SDK1: variants seen among roughly 807,000 people sequenced by gnomAD.
The protein encoded by SDK1 is protein sidekick-1.
A neutral mutation model predicts 245.5 loss-of-function variants in SDK1; 157 were observed. The observed-to-expected ratio is 0.64, with a 90% CI of 0.56 to 0.73. SDK1 has a LOEUF of 0.73. SDK1 is among the 30% of genes least tolerant of loss of function. The probability of loss-of-function intolerance (pLI) is 0.00; values close to 1 mark genes in which losing one functional copy is unlikely to be tolerated. For synonymous variants in SDK1, 1,647 were observed against 1,278.5 expected (o/e 1.29, Z -6.15); for missense variants, 3,583 against 3,002.3 (o/e 1.19, Z -4.52).
chr7:3,895,646 CTT>C (rs1244511010), intron 5 of SDK1, among the ~76,000 whole-genome samples: 1 of 151,858 alleles, frequency 6.6e-6, no homozygotes, highest in African/African-American at 2.4e-5. Flanking sequence ...TCTTCTTCCT[CTT>C]CTTTTCAAGT....
At chr7:3,502,332 C>T (rs1386879602) in intron 1 of SDK1, among the ~76,000 whole-genome samples, 3 of 152,134 alleles carry the variant, frequency 2.0e-5, no homozygotes, top group Non-Finnish European at 4.4e-5. Context: ...TCACTGCAAC[C>T]TCTGCCTCCT....
chr7:4,117,985 T>G (rs1783818949), intron 25 of SDK1, among the ~76,000 whole-genome samples: 1 of 152,114 alleles, frequency 6.6e-6, no homozygotes, highest in Non-Finnish European at 1.5e-5. Context: ...GGTTTTGAAT[T>G]TGCATTATAT....
At chr7:3,443,852 T>A (rs779154656) in intron 1 of SDK1, among the ~76,000 whole-genome samples, 5 of 152,246 alleles carry the variant, frequency 3.3e-5, no homozygotes, top group Non-Finnish European at 1.5e-5. Flanking sequence ...TATAATAAAG[T>A]GCAAACTGAT....
rs1785566207 is a variant in SDK1 at position 4,007,388 on chromosome 7, G to A, written c.2132-3578G>A. ...TAGCCCCAGGCAGCCTCCCAGTGAG[G>A]AAGAAAGAGCCTTACATTTGCTCCC... On this transcript the variant is annotated intron_variant, in intron 14 of 44. Transcript: ENST00000404826. Among the ~76,000 whole-genome samples the A allele has an allele frequency of 1.3e-5, 2 of 152,054 alleles. 1 individual carries two copies. Among genetic ancestry groups the A allele is most frequent in the Admixed American group, 1.3e-4 (2 of 15,276 alleles).
rs1182039953 is a variant in SDK1 at position 4,175,802 on chromosome 7, G to A, written c.4964G>A (p.Ser1655Asn). ...TAQSSFKTVN[S>N]SSTSTMCELT... Reference sequence around the variant, plus strand: ...CAAAGCAGCTTCAAGACGGTGAACAGCAGCTCCACATCGACGATGTGTGAA... The same window carrying A: ...CAAAGCAGCTTCAAGACGGTGAACAACAGCTCCACATCGACGATGTGTGAA... Residue 1655 changes from serine to asparagine, a missense_variant, in exon 34 of 45, where the codon AGC becomes AAC. By Grantham distance (46) the Ser-to-Asn change is conservative. Coordinates refer to ENST00000404826, the MANE Select transcript of SDK1 (RefSeq NM_152744.4). The A allele has an allele frequency of 6.2e-7, 1 of 1,613,784 alleles. No individual in the cohort carries two copies. The highest frequency in any genetic ancestry group is 1.3e-5 in the African/African-American group (1 of 74,944).
intron 1 of SDK1, among the ~76,000 whole-genome samples, chr7:3,468,095 C>T (rs1250399512): frequency 6.6e-6 from 1 of 151,980 alleles, no homozygotes; most frequent in Admixed American, 6.6e-5. Flanking sequence ...AGAGAGAAAT[C>T]ATAAAGCAGA....
rs1779031309 is a variant in SDK1 at position 3,908,285 on chromosome 7, G to A, written c.848-42638G>A. 2.6e-5 allele frequency among the ~76,000 whole-genome samples: 4 copies of A among 152,290 alleles called. No individual in the cohort carries two copies. In the South Asian group the frequency reaches 8.3e-4, roughly 32 times the overall value. On this transcript the variant is annotated intron_variant, in intron 5 of 44. Coordinates refer to ENST00000404826, the MANE Select transcript of SDK1 (RefSeq NM_152744.4). ...CTCACTGAAGTTCTGTCATGGGATG[G>A]AAAATTCATTGCACAAATGCAAGTG...
chr7:3,360,155 T>A (rs1780914547), intron 1 of SDK1, among the ~76,000 whole-genome samples: 1 of 152,194 alleles, frequency 6.6e-6, no homozygotes, highest in South Asian at 2.1e-4. Flanking sequence ...CTAACCACTT[T>A]TATTAGTTTG....
At chr7:3,644,876 C>G (rs543717059) in intron 4 of SDK1, among the ~76,000 whole-genome samples, 3 of 150,374 alleles carry the variant, frequency 2.0e-5, no homozygotes, top group East Asian at 2.0e-4. Flanking sequence ...CCAGTGCTGA[C>G]CACAGTATGA....
Position 3,821,600 on chromosome 7 carries a change from C to G in SDK1, c.847+17C>G, listed in dbSNP as rs369241949. 5.0e-6 allele frequency: 8 copies of G among 1,609,956 alleles called. No homozygotes were observed. The African/African-American group carries it at 8.0e-5, about 16-fold the overall frequency. ...GCATAGCAAGTGAGTTTTGAAATCC[C>G]AAATGGTAATTCTGCAAGCAATAAA... On this transcript the variant is annotated intron_variant, in intron 5 of 44. Coordinates refer to ENST00000404826, the MANE Select transcript of SDK1 (RefSeq NM_152744.4).
At chr7:3,876,592 T>G (rs2115142237) in intron 5 of SDK1, among the ~76,000 whole-genome samples, 1 of 152,348 alleles carries the variant, frequency 6.6e-6, no homozygotes, top group East Asian at 1.9e-4. Flanking sequence ...TCATAACATC[T>G]TAAGATATTT....
chr7:3,921,316 G>T (rs1416526945), intron 5 of SDK1, among the ~76,000 whole-genome samples: 3 of 152,050 alleles, frequency 2.0e-5, no homozygotes, highest in East Asian at 3.9e-4. Context: ...TTCAATAACT[G>T]CCTAGTTTCT....
chr7:3,867,289 G>C (rs980110131), intron 5 of SDK1, among the ~76,000 whole-genome samples: 8 of 152,136 alleles, frequency 5.3e-5, no homozygotes, highest in Non-Finnish European at 8.8e-5. Flanking sequence ...TTCATTGAAA[G>C]CATGTTTTTC....
chr7:4,177,049 C>T (rs1313207855), intron 34 of SDK1, among the ~76,000 whole-genome samples: 1 of 152,234 alleles, frequency 6.6e-6, no homozygotes, highest in Non-Finnish European at 1.5e-5. Flanking sequence ...GGCTGGCCCT[C>T]CCCGAGCCTA....
At chr7:3,425,210 G>T (rs191139894) in intron 1 of SDK1, among the ~76,000 whole-genome samples, 1 of 151,728 alleles carries the variant, frequency 6.6e-6, no homozygotes, top group Non-Finnish European at 1.5e-5. Context: ...CTGTTGAAGT[G>T]AAGTGAGCTC....
At chr7:3,726,006 T>G (rs1244539922) in intron 4 of SDK1, among the ~76,000 whole-genome samples, 3 of 152,218 alleles carry the variant, frequency 2.0e-5, no homozygotes, top group Non-Finnish European at 4.4e-5. Context: ...TTAAAATTCT[T>G]TAGGGGAAAA....
chr7:4,171,907 G>A (rs1253639862), intron 32 of SDK1, among the ~76,000 whole-genome samples: 4 of 152,194 alleles, frequency 2.6e-5, no homozygotes, highest in Non-Finnish European at 5.9e-5. Flanking sequence ...CAAGCACACC[G>A]TGGGGGGAAC....
At chr7:3,381,334 G>A (rs921836482) in intron 1 of SDK1, among the ~76,000 whole-genome samples, 1 of 152,078 alleles carries the variant, frequency 6.6e-6, no homozygotes, top group African/African-American at 2.4e-5. Context: ...AGTCCACTAG[G>A]AACTGAGACA....
chr7:3,392,771 A>G (rs1243483973), intron 1 of SDK1, among the ~76,000 whole-genome samples: 1 of 152,082 alleles, frequency 6.6e-6, no homozygotes, highest in African/African-American at 2.4e-5. Context: ...ATTCATTCAT[A>G]TTATAGCATG....
Sources: allele counts gnomAD v4.1 joint callset (sites outside exome capture counted in the v4.1 genomes callset), GRCh38; gene constraint gnomAD v4.1.1; transcripts MANE v1.5; gene names NCBI Gene and HGNC (gene_info 2026-07-23, HGNC 2026-07-21).